The following SPPL3 variants were observed in gnomAD, a reference collection of about 807,000 sequenced individuals.
SPPL3 encodes the protein signal peptide peptidase-like 3.
A neutral mutation model predicts 42.4 loss-of-function variants in SPPL3; 5 were observed. The ratio of observed to expected loss-of-function variants is 0.12; its 90% CI spans 0.06 to 0.25. The LOEUF is 0.25. SPPL3 is among the 10% of genes least tolerant of loss of function. The probability of loss-of-function intolerance (pLI) is 1.00; values close to 1 mark genes in which losing one functional copy is unlikely to be tolerated. For missense variants in SPPL3, 235 were observed against 489.0 expected (o/e 0.48, Z 4.90); for synonymous variants, 195 against 181.8 (o/e 1.07, Z -0.58).
intron 6 of SPPL3, among the ~76,000 whole-genome samples, chr12:120,780,230 T>C (rs1592958305): frequency 6.7e-6 from 1 of 149,706 alleles, no homozygotes; most frequent in Non-Finnish European, 1.5e-5. Flanking sequence ...CCCAGCACTT[T>C]GGGAGGACTG....
intron 1 of SPPL3, among the ~76,000 whole-genome samples, chr12:120,821,878 T>C (rs905805736): frequency 6.6e-6 from 1 of 152,156 alleles, no homozygotes; most frequent in Non-Finnish European, 1.5e-5. Flanking sequence ...GATAAATAAA[T>C]TGTGGTACAG....
chr12:120,883,121 G>A lies in SPPL3; in HGVS notation c.23+20724C>T, dbSNP rs144012669. 5.2e-3 allele frequency among the ~76,000 whole-genome samples: 784 copies of A among 151,904 alleles called. 8 individuals are homozygous for A. Among genetic ancestry groups the A allele is most frequent in the African/African-American group, 0.018 (749 of 41,380 alleles). On this transcript the variant is annotated intron_variant, in intron 1 of 10. Transcript: ENST00000353487. Reference sequence around the variant, plus strand: ...AGATCAAGACCATCCTGGCTAACACGGCGAAACCCCGTCTCTACTAAAAAT... The same window carrying A: ...AGATCAAGACCATCCTGGCTAACACAGCGAAACCCCGTCTCTACTAAAAAT...
chr12:120,809,868 G>A (rs565968267), intron 2 of SPPL3, among the ~76,000 whole-genome samples: 4 of 152,228 alleles, frequency 2.6e-5, no homozygotes, highest in Non-Finnish European at 5.9e-5. Flanking sequence ...CAGCAATTTT[G>A]TATGGCTCAA....
intron 1 of SPPL3, among the ~76,000 whole-genome samples, chr12:120,822,805 C>A (rs1002358977): frequency 1.3e-5 from 2 of 152,100 alleles, no homozygotes; most frequent in African/African-American, 4.8e-5. Context: ...CAAACCAAAT[C>A]TCTCCATCAT....
At chr12:120,839,198 G>A (rs1168715561) in intron 1 of SPPL3, among the ~76,000 whole-genome samples, 1 of 151,700 alleles carries the variant, frequency 6.6e-6, no homozygotes, top group Non-Finnish European at 1.5e-5. Context: ...ATGAGTTCAT[G>A]TCCTTTGTAG....
intron 5 of SPPL3, among the ~76,000 whole-genome samples, chr12:120,783,250 A>T (rs113710727): frequency 6.6e-6 from 1 of 152,220 alleles, no homozygotes; most frequent in Non-Finnish European, 1.5e-5. Context: ...TGCAGCAATG[A>T]CTTTCAGAGT....
At chr12:120,766,448 C>T (rs1868911481) in intron 9 of SPPL3, 76 bp from the exon 10 acceptor site, 5 of 1,192,746 alleles carry the variant, frequency 4.2e-6, no homozygotes, top group Non-Finnish European at 5.9e-6. Flanking sequence ...CAAAGTCCTG[C>T]AACTGTACAG....
At chr12:120,778,219 C>T (rs1436123273) in intron 6 of SPPL3, among the ~76,000 whole-genome samples, 2 of 137,924 alleles carry the variant, frequency 1.5e-5, no homozygotes, top group African/African-American at 5.4e-5. Context: ...TGGGTTGAAG[C>T]GATTCTCCTG....
At chr12:120,880,110 C>T (rs546065959) in intron 1 of SPPL3, among the ~76,000 whole-genome samples, 1 of 151,162 alleles carries the variant, frequency 6.6e-6, no homozygotes, top group Admixed American at 6.6e-5. Context: ...ACTCAACAGG[C>T]TACTGGAGGA....
At position 120,763,847 on chromosome 12, in the gene SPPL3, T is replaced by C. The variant is rs1482490578; in HGVS notation, c.*1152A>G. 1.4e-5 allele frequency: 2 copies of C among 138,074 alleles called. No homozygotes were observed. The highest frequency in any genetic ancestry group is 3.1e-5 in the Non-Finnish European group (2 of 65,524). 8.6% of individuals were successfully genotyped at this position (138,074 alleles called of 1,614,324 possible). A position where few individuals can be genotyped will look rare whatever the true frequency, so the allele number is the denominator to read the frequency against. The stretch of plus-strand genomic sequence containing the variant: ...TAAAGGAGTGAGGGCATGGAAAATA[T>C]ACAGCACACCAATGAAACAAAATGT... On this transcript the variant is annotated 3_prime_UTR_variant, in exon 11 of 11. Transcript: ENST00000353487.
intron 2 of SPPL3, among the ~76,000 whole-genome samples, chr12:120,795,448 G>A (rs966712541): frequency 3.9e-5 from 6 of 152,168 alleles, no homozygotes; most frequent in African/African-American, 1.4e-4. Flanking sequence ...TGTATGGTAT[G>A]TCAAAAACAT....
chr12:120,889,022 G>A (rs1873551243), intron 1 of SPPL3, among the ~76,000 whole-genome samples: 2 of 151,886 alleles, frequency 1.3e-5, no homozygotes, highest in South Asian at 2.1e-4. Flanking sequence ...TCATGTTGGC[G>A]AGGCTGGTCT....
At chr12:120,779,898 T>A (rs931547461) in intron 6 of SPPL3, among the ~76,000 whole-genome samples, 12 of 146,966 alleles carry the variant, frequency 8.2e-5, no homozygotes, top group Admixed American at 8.1e-4. Flanking sequence ...CTCAGGAGGC[T>A]GAGGCAGGAG....
At chr12:120,830,014 A>G (rs1361884479) in intron 1 of SPPL3, among the ~76,000 whole-genome samples, 1 of 149,506 alleles carries the variant, frequency 6.7e-6, no homozygotes, top group Non-Finnish European at 1.5e-5. Context: ...AAAAAAGAAG[A>G]GTAAATTTCA....
intron 1 of SPPL3, among the ~76,000 whole-genome samples, chr12:120,869,295 C>T (rs951983589): frequency 1.3e-5 from 2 of 152,116 alleles, no homozygotes; most frequent in Admixed American, 6.5e-5. Context: ...CTTGGTAAAG[C>T]CTTAAATGAA....
intron 1 of SPPL3, among the ~76,000 whole-genome samples, chr12:120,896,307 A>G (rs1339052885): frequency 6.6e-6 from 1 of 152,200 alleles, no homozygotes; most frequent in Non-Finnish European, 1.5e-5. Context: ...TGACTTATTA[A>G]TAAAATCTGA....
intron 1 of SPPL3, among the ~76,000 whole-genome samples, chr12:120,855,930 A>T (rs879050893): frequency 6.6e-6 from 1 of 152,122 alleles, no homozygotes; most frequent in Admixed American, 6.5e-5. Flanking sequence ...CTCAAGACTA[A>T]ATGCAATTCT....
chr12:120,783,841 A>C (rs1277905383), intron 4 of SPPL3, 89 bp from the exon 5 acceptor site: 1 of 1,088,150 alleles, frequency 9.2e-7, no homozygotes, highest in Non-Finnish European at 1.4e-6. Flanking sequence ...ACACTAGACA[A>C]GTGGATACGG....
intron 1 of SPPL3, among the ~76,000 whole-genome samples, chr12:120,816,849 G>C (rs1870892253): frequency 6.6e-6 from 1 of 152,132 alleles, no homozygotes; most frequent in Non-Finnish European, 1.5e-5. Context: ...CCCAAAACTG[G>C]ATGACAAACT....
Sources: allele counts gnomAD v4.1 joint callset (sites outside exome capture counted in the v4.1 genomes callset), GRCh38; gene constraint gnomAD v4.1.1; transcripts MANE v1.5; gene names NCBI Gene and HGNC (gene_info 2026-07-23, HGNC 2026-07-21).